POLQ: variants seen among roughly 807,000 people sequenced by gnomAD.
POLQ encodes the protein epididymis secretory sperm binding protein.
POLQ carries 233 observed loss-of-function variants against 259.2 expected under a neutral mutation model. The observed-to-expected ratio is 0.90, with a 90% CI of 0.81 to 1.00. POLQ has a LOEUF of 1.00. Among genes scored for constraint, POLQ ranks in the 50% least tolerant of loss-of-function variants. POLQ has a pLI of 0.00. For synonymous variants in POLQ, 1,025 were observed against 1,048.8 expected, an observed-to-expected ratio of 0.98 and a Z score of 0.44; for missense variants, 2,871 against 3,051.6, an observed-to-expected ratio of 0.94 and a Z score of 1.39.
In POLQ at chr3:121,481,663, A is replaced by G; in HGVS notation, c.6120T>C (p.His2040=). The change falls in exon 19 of 30, where the codon CAT becomes CAC. Residue 2040 remains histidine (H), a synonymous_variant. Transcript: ENST00000264233. ...CCACAGATGCTCTGTATCGCCCAGA[A>G]TGCTCACTGCCAGCATTTAGCCCCA... is the stretch of plus-strand genomic sequence containing the variant. ...QSLGLNAGSE[H]SGRYRASVES... 1 of 1,614,118 alleles carries G rather than the reference A, an allele frequency of 6.2e-7. No homozygotes were observed. The highest frequency in any genetic ancestry group is 8.5e-7 in the Non-Finnish European group (1 of 1,179,978).
intron 6 of POLQ, among the ~76,000 whole-genome samples, chr3:121,531,764 A>T (rs2048413202): frequency 6.6e-6 from 1 of 152,234 alleles, no homozygotes; most frequent in Admixed American, 6.5e-5. Flanking sequence ...AAAAAAATTA[A>T]CAGGAGAGCA....
In POLQ at chr3:121,431,723, A is replaced by T. The variant is rs955443258; in HGVS notation, c.*581T>A. On this transcript the variant is annotated 3_prime_UTR_variant, in exon 30 of 30. Coordinates refer to ENST00000264233, the MANE Select transcript of POLQ (RefSeq NM_199420.4). ...ATGAATTAGGGAAGGAAAAGCAATA[A>T]GAAACATTTCATGAATATTCATTCC... The T allele has an allele frequency of 6.6e-6, 1 of 152,624 alleles. No homozygotes were observed. The allele number at this position is 152,624 out of a possible 1,614,324, so 9.5% of individuals were successfully genotyped here. A position where few individuals can be genotyped will look rare whatever the true frequency, so the allele number is the denominator to read the frequency against.
intron 12 of POLQ, among the ~76,000 whole-genome samples, chr3:121,502,107 T>C (rs141985829): frequency 1.7e-3 from 256 of 152,288 alleles, no homozygotes; most frequent in African/African-American, 5.8e-3. Flanking sequence ...GGAAATTATG[T>C]GGGTACATAT....
chr3:121,462,985 A>G (rs1006013697), intron 24 of POLQ, among the ~76,000 whole-genome samples: 1 of 152,254 alleles, frequency 6.6e-6, no homozygotes, highest in African/African-American at 2.4e-5. Flanking sequence ...GCAATGCTTC[A>G]ATATTTGTTT....
chr3:121,510,244 C>T lies in POLQ; in HGVS notation c.1612-1G>A. Reference sequence around the variant, plus strand: ...TACTTGCCACTCCACCAACTATTATCTGAAAGAAGATATTTGGAAATTTCT... The same window carrying T: ...TACTTGCCACTCCACCAACTATTATTTGAAAGAAGATATTTGGAAATTTCT... On this transcript the variant is annotated splice_acceptor_variant, in intron 10 of 29. Transcript: ENST00000264233. LOFTEE classifies it high-confidence loss of function. The T allele has an allele frequency of 6.2e-7, 1 of 1,605,088 alleles. No homozygotes were observed.
At chr3:121,529,242 T>C (rs908522204) in intron 7 of POLQ, among the ~76,000 whole-genome samples, 3 of 152,212 alleles carry the variant, frequency 2.0e-5, no homozygotes, top group Admixed American at 2.0e-4. Context: ...TATGTATGTG[T>C]GTATGATTCT....
At position 121,490,047 on chromosome 3, in the gene POLQ, T is replaced by A; in HGVS notation, c.2884A>T (p.Ser962Cys). ...TTAAAGGAACTTGTATGCTCTCTAC[T>A]TTTATTTAAGTCTTGCACTATATTT... is the stretch of plus-strand genomic sequence containing the variant. ...SPNIVQDLNK[S>C]REHTSSFNCN... Residue 962 changes from serine (S) to cysteine (C), a missense_variant, in exon 16 of 30, where the codon AGT (serine) becomes TGT (cysteine). Ser to Cys is a moderately radical substitution (Grantham distance 112). Around this residue, in one of 3 missense-constraint regions of POLQ, gnomAD observed 2,080 missense variants for 2,126.0 expected, o/e 0.98. Coordinates refer to ENST00000264233, the MANE Select transcript of POLQ (RefSeq NM_199420.4). The A allele has an allele frequency of 5.1e-6, 8 of 1,573,988 alleles. No individual in the cohort carries two copies. Among genetic ancestry groups the A allele is most frequent in the Non-Finnish European group, 6.9e-6 (8 of 1,164,276 alleles).
chr3:121,444,812 G>A (rs193170173), intron 26 of POLQ, among the ~76,000 whole-genome samples: 2 of 152,206 alleles, frequency 1.3e-5, no homozygotes, highest in African/African-American at 2.4e-5. Context: ...TTTCATGATG[G>A]AATGTTGAAT....
intron 25 of POLQ, among the ~76,000 whole-genome samples, chr3:121,458,048 C>T (rs1185162594): frequency 6.6e-4 from 100 of 152,112 alleles, no homozygotes; most frequent in Admixed American, 1.4e-3. Flanking sequence ...TGGAATACTA[C>T]GCAGCCATAA....
Position 121,489,233 on chromosome 3 carries a change from A to G in POLQ, c.3698T>C (p.Val1233Ala), listed in dbSNP as rs369242432. 6.2e-7 allele frequency: 1 copy of G among 1,611,992 alleles called. No individual in the cohort carries two copies. Among genetic ancestry groups the G allele is most frequent in the Non-Finnish European group, 8.5e-7 (1 of 1,179,178 alleles). Residue 1233 changes from valine (V) to alanine (A), a missense_variant, in exon 16 of 30, where the codon GTT (valine) becomes GCT (alanine). By Grantham distance (64) the Val-to-Ala change is moderately conservative. Transcript: ENST00000264233. ...CTTTATCCTTTCACAATTGATAGTA[A>G]CATTTGAGTCTCTATTTATGTAACT... ...VSSYINRDSN[V>A]TINCERIKLN...
chr3:121,526,355 G>C (rs898654564), intron 7 of POLQ, among the ~76,000 whole-genome samples: 1 of 152,120 alleles, frequency 6.6e-6, no homozygotes, highest in African/African-American at 2.4e-5. Context: ...TCCCTCTAAG[G>C]CTTGAGTATT....
intron 26 of POLQ, among the ~76,000 whole-genome samples, chr3:121,443,724 A>G (rs2047611832): frequency 6.6e-6 from 1 of 152,126 alleles, no homozygotes; most frequent in Non-Finnish European, 1.5e-5. Context: ...CAGTTGCACA[A>G]TTTGAGGTCT....
intron 25 of POLQ, among the ~76,000 whole-genome samples, chr3:121,451,986 G>A (rs2047681260): frequency 6.6e-6 from 1 of 152,200 alleles, no homozygotes; most frequent in South Asian, 2.1e-4. Flanking sequence ...CTCAGCACTG[G>A]CGGGCGCCCC....
At chr3:121,468,837 C>T (rs892755659) in intron 22 of POLQ, among the ~76,000 whole-genome samples, 1 of 152,194 alleles carries the variant, frequency 6.6e-6, no homozygotes, top group African/African-American at 2.4e-5. Context: ...CACTTTCAGA[C>T]ATCATCTGGC....
At chr3:121,537,374 G>A (rs1301722873) in intron 4 of POLQ, among the ~76,000 whole-genome samples, 166 bp from the exon 5 acceptor site, 1 of 152,134 alleles carries the variant, frequency 6.6e-6, no homozygotes, top group Non-Finnish European at 1.5e-5. Context: ...GTAATGCTGA[G>A]GTTTGGATAC....
intron 7 of POLQ, among the ~76,000 whole-genome samples, chr3:121,524,932 A>G (rs974611778): frequency 1.1e-5 from 1 of 87,434 alleles, no homozygotes; most frequent in Non-Finnish European, 2.5e-5. Flanking sequence ...ATATTTGTGT[A>G]TAAATACACA....
Position 121,489,414 on chromosome 3 carries a change from T to A in POLQ, c.3517A>T (p.Ile1173Leu). ...TTCTGGTTTTTTGAACCATTTTGTA[T>A]CAGCACTTCATTTATTTTTTCTGCC... Reference protein sequence around the residue: ...VEAEKINEVLIQNGSKNQNVY... With the variant: ...VEAEKINEVLLQNGSKNQNVY... The change falls in exon 16 of 30, where the codon ATA becomes TTA. Residue 1173 changes from isoleucine (I) to leucine (L), a missense_variant. By Grantham distance (5) the Ile-to-Leu change is conservative. Coordinates refer to ENST00000264233, the MANE Select transcript of POLQ (RefSeq NM_199420.4). 1 of 1,614,078 alleles carries A rather than the reference T, an allele frequency of 6.2e-7. No individual in the cohort carries two copies. The highest frequency in any genetic ancestry group is 8.5e-7 in the Non-Finnish European group (1 of 1,180,000).
intron 25 of POLQ, among the ~76,000 whole-genome samples, chr3:121,451,318 C>A (rs2047674234): frequency 6.6e-6 from 1 of 152,248 alleles, no homozygotes. Context: ...CAGCTTTGTT[C>A]CATTGCTGGC....
intron 20 of POLQ, 119 bp downstream of exon 20, chr3:121,476,421 G>A: frequency 1.5e-6 from 1 of 653,124 alleles, no homozygotes; most frequent in Non-Finnish European, 2.5e-6. Context: ...TTAACTGGCT[G>A]TTTCATTTTA....
Sources: gnomAD v4.1 joint callset for allele counts (sites outside exome capture counted in the v4.1 genomes callset) on GRCh38, gnomAD v4.1.1 for gene constraint, gnomAD v4.1.1 regional missense constraint, MANE v1.5 for transcripts, NCBI Gene and HGNC (gene_info 2026-07-23, HGNC 2026-07-21) for gene names.